Variants in MNS1 observed in about 807,000 individuals in gnomAD.
MNS1 encodes meiosis specific nuclear structural 1.
MNS1 carries 63 observed loss-of-function variants against 72.0 expected under a neutral mutation model. That is an observed-to-expected ratio of 0.87 (90% CI 0.71 to 1.08). The LOEUF (loss-of-function observed/expected upper bound fraction) is 1.08. Among genes scored for constraint, MNS1 ranks in the 50% least tolerant of loss-of-function variants. The pLI, the probability that MNS1 is intolerant of heterozygous loss-of-function variation, is 0.00. For synonymous variants in MNS1, 188 were observed against 172.1 expected, an observed-to-expected ratio of 1.09 and a Z score of -0.72; for missense variants, 604 against 562.4, an observed-to-expected ratio of 1.07 and a Z score of -0.75.
At chr15:56,458,869 G>C (rs1442585511) in intron 2 of MNS1, among the ~76,000 whole-genome samples, 1 of 152,086 alleles carries the variant, frequency 6.6e-6, no homozygotes, top group East Asian at 1.9e-4. Flanking sequence ...CATCTTGGTT[G>C]CTTCTAAATT....
At chr15:56,437,835 G>C (rs1394473147) in intron 7 of MNS1, among the ~76,000 whole-genome samples, 4 of 152,142 alleles carry the variant, frequency 2.6e-5, no homozygotes, top group South Asian at 2.1e-4. Flanking sequence ...GACAGACAGA[G>C]AGCCAAATCA....
intron 1 of MNS1, 97 bp downstream of exon 1, chr15:56,464,873 A>T (rs572795856): frequency 3.8e-5 from 59 of 1,547,252 alleles, no homozygotes; most frequent in Non-Finnish European, 5.0e-5. Context: ...TAATGACCAG[A>T]TTAAGCACTT....
chr15:56,433,656 C>T (rs1461676554), intron 8 of MNS1, among the ~76,000 whole-genome samples: 2 of 152,098 alleles, frequency 1.3e-5, no homozygotes, highest in Non-Finnish European at 2.9e-5. Flanking sequence ...CTCTTATCTA[C>T]CTTCAATGCT....
chr15:56,434,038 G>T, intron 8 of MNS1, 100 bp downstream of exon 8: 4 of 1,282,164 alleles, frequency 3.1e-6, no homozygotes, highest in South Asian at 1.5e-5. Flanking sequence ...TACTAACATT[G>T]TCTGGCATAT....
Position 56,429,193 on chromosome 15 carries a change from C to T in MNS1, c.1396G>A (p.Gly466Arg), listed in dbSNP as rs760486104. The T allele has an allele frequency of 1.7e-5, 27 of 1,576,664 alleles. No homozygotes were observed. The highest frequency in any genetic ancestry group is 3.3e-4 in the Middle Eastern group (2 of 5,980). Reference protein sequence around the residue: ...ATNLLGYLPKGVFKKEDDIDL... With the variant: ...ATNLLGYLPKRVFKKEDDIDL... ...ATATCATCCTCTTTTTTAAATACTC[C>T]CTACGAGAAAAATACTTTGTGGGTT... Residue 466 changes from glycine to arginine, a missense_variant and splice_region_variant, in exon 10 of 10, where the codon GGA (glycine) becomes AGA (arginine). Coordinates refer to ENST00000260453, the MANE Select transcript of MNS1 (RefSeq NM_018365.4).
Position 56,465,091 on chromosome 15 carries a change from G to T in MNS1, c.-119C>A. 7.1e-7 allele frequency: 1 copy of T among 1,406,216 alleles called. No individual in the cohort carries two copies. The highest frequency in any genetic ancestry group is 9.7e-7 in the Non-Finnish European group (1 of 1,026,256). 87.1% of individuals were successfully genotyped at this position (1,406,216 alleles called of 1,614,324 possible). A position where few individuals can be genotyped will look rare whatever the true frequency, so the allele number is the denominator to read the frequency against. ...CTGCGCGCGCTCGGGTGTTTACGCG[G>T]CGTCTTGGCAACGGTGGAGCTGCGC... On this transcript the variant is annotated 5_prime_UTR_variant, in exon 1 of 10. Transcript: ENST00000260453.
chr15:56,428,788 A>G lies in MNS1; in HGVS notation c.*313T>C. 1 of 355,656 alleles carries G rather than the reference A, an allele frequency of 2.8e-6. No individual in the cohort carries two copies. The highest frequency in any genetic ancestry group is 5.0e-6 in the Non-Finnish European group (1 of 198,578). 22.0% of individuals were successfully genotyped at this position (355,656 alleles called of 1,614,324 possible). A position where few individuals can be genotyped will look rare whatever the true frequency, so the allele number is the denominator to read the frequency against. On this transcript the variant is annotated 3_prime_UTR_variant, in exon 10 of 10. Coordinates refer to ENST00000260453, the MANE Select transcript of MNS1 (RefSeq NM_018365.4). ...TCAAGTAAGTAAAGTTCGTAAACAC[A>G]GACAGAAGGCAGTTCACTTTGGGGT...
intron 2 of MNS1, among the ~76,000 whole-genome samples, chr15:56,460,034 A>ATATATATATATATATG (rs1465903004): frequency 1.9e-5 from 2 of 104,156 alleles, no homozygotes; most frequent in African/African-American, 6.9e-5. Flanking sequence ...ATATATATAT[A>ATATATATATATATATG]TGTGACTATA....
At chr15:56,446,981 C>G in intron 3 of MNS1, 38 bp from the exon 4 acceptor site, 1 of 1,427,560 alleles carries the variant, frequency 7.0e-7, no homozygotes, top group Non-Finnish European at 9.7e-7. Flanking sequence ...AATGTTAGGA[C>G]CATAAGAGAA....
At chr15:56,448,799 G>A (rs2050927089) in intron 3 of MNS1, among the ~76,000 whole-genome samples, 1 of 146,984 alleles carries the variant, frequency 6.8e-6, no homozygotes, top group Non-Finnish European at 1.5e-5. Flanking sequence ...TGTCATTCAG[G>A]CTGGAGTGCA....
intron 7 of MNS1, among the ~76,000 whole-genome samples, chr15:56,436,110 T>C (rs189489303): frequency 2.0e-5 from 3 of 152,280 alleles, no homozygotes; most frequent in South Asian, 2.1e-4. Context: ...GCAGACCTAA[T>C]AGACATCTAC....
At chr15:56,436,678 T>G (rs1266653157) in intron 7 of MNS1, among the ~76,000 whole-genome samples, 5 of 152,048 alleles carry the variant, frequency 3.3e-5, no homozygotes, top group Non-Finnish European at 5.9e-5. Context: ...GCTGGTTTTC[T>G]GAGAAGATCA....
rs2050681538 is a variant in MNS1, at chr15:56,434,358, A to G, written c.1049T>C (p.Met350Thr). 1 of 1,613,000 alleles carries G rather than the reference A, an allele frequency of 6.2e-7. No homozygotes were observed. The highest frequency in any genetic ancestry group is 8.5e-7 in the Non-Finnish European group (1 of 1,179,670). The change falls in exon 8 of 10, where the codon ATG becomes ACG. Residue 350 changes from methionine to threonine, a missense_variant. Physicochemically the swap from Met to Thr is moderately conservative, Grantham distance 81. Coordinates refer to ENST00000260453, the MANE Select transcript of MNS1 (RefSeq NM_018365.4). ...AEKKLRKQKE[M>T]KQDFEEQMAL... is the part of the protein sequence containing the mutation. ...CATTTGTTCTTCAAAATCTTGCTTC[A>G]TCTCTTTTTGCTTTCTCAATTTCTT...
At chr15:56,435,354 T>C (rs2140333487) in intron 7 of MNS1, among the ~76,000 whole-genome samples, 1 of 150,742 alleles carries the variant, frequency 6.6e-6, no homozygotes, top group East Asian at 2.0e-4. Context: ...AAATAGAAAA[T>C]AGACAATTAT....
Position 56,428,889 on chromosome 15 carries a change from A to T in MNS1, c.*212T>A. 1 of 500,778 alleles carries T rather than the reference A, an allele frequency of 2.0e-6. No individual in the cohort carries two copies. Among genetic ancestry groups the T allele is most frequent in the South Asian group, 2.7e-5 (1 of 37,418 alleles). The allele number at this position is 500,778 out of a possible 1,614,324, so 31.0% of individuals were successfully genotyped here. On this transcript the variant is annotated 3_prime_UTR_variant, in exon 10 of 10. Coordinates refer to ENST00000260453, the MANE Select transcript of MNS1 (RefSeq NM_018365.4). ...AAACAGTGCTCTGTAGTGTTGTAGAAATCGGATTTTGAAATTATCAGTACA... is the reference window on the plus strand; with the variant it reads ...AAACAGTGCTCTGTAGTGTTGTAGATATCGGATTTTGAAATTATCAGTACA...
chr15:56,443,655 G>A lies in MNS1; in HGVS notation c.886C>T (p.Leu296=). The part of the protein sequence containing the change: ...AKVQENEEKR[L]QLQNALTQKL... ...TTTAATACCGCATTCTGAAGCTGTA[G>A]CCTTTTCTCCTCATTTTCTTGAACT... The change falls in exon 6 of 10, where the codon CTA becomes TTA. Residue 296 remains leucine (L), a synonymous_variant. Coordinates refer to ENST00000260453, the MANE Select transcript of MNS1 (RefSeq NM_018365.4). 1 of 1,612,610 alleles carries A rather than the reference G, an allele frequency of 6.2e-7. No individual in the cohort carries two copies. The highest frequency in any genetic ancestry group is 8.5e-7 in the Non-Finnish European group (1 of 1,179,330).
intron 9 of MNS1, chr15:56,430,204 CTG>C (rs1298476961): frequency 6.6e-6 from 1 of 152,024 alleles, no homozygotes; most frequent in Non-Finnish European, 1.5e-5. Context: ...GCCTATGAAA[CTG>C]TTATTACTTT....
Position 56,443,471 on chromosome 15 carries a change from A to G in MNS1, c.970T>C (p.Tyr324His). 2 of 1,599,262 alleles carry G rather than the reference A, an allele frequency of 1.3e-6. No homozygotes were observed. Among genetic ancestry groups the G allele is most frequent in the Non-Finnish European group, 1.7e-6 (2 of 1,175,950 alleles). ...EDLEQVRQEL[Y>H]QEEQAEIYKS... ...TATATTTCAGCTTGTTCTTCCTGGT[A>G]TAATTCTTGTCGCACTTGTTCCAAA... The change falls in exon 7 of 10, where the codon TAC (tyrosine) becomes CAC (histidine). Residue 324 changes from tyrosine (Y) to histidine (H), a missense_variant. Tyr to His is a moderately conservative substitution (Grantham distance 83). Transcript: ENST00000260453.
At position 56,443,653 on chromosome 15, in the gene MNS1, T is replaced by G. The variant is rs1308110192; in HGVS notation, c.888A>C (p.Leu296=). 1 of 1,612,584 alleles carries G rather than the reference T, an allele frequency of 6.2e-7. No individual in the cohort carries two copies. Among genetic ancestry groups the G allele is most frequent in the Non-Finnish European group, 8.5e-7 (1 of 1,179,388 alleles). Residue 296 remains leucine (L), a synonymous_variant, in exon 6 of 10, where the codon CTA becomes CTC. Coordinates refer to ENST00000260453, the MANE Select transcript of MNS1 (RefSeq NM_018365.4). The part of the protein sequence containing the change: ...AKVQENEEKR[L]QLQNALTQKL... ...ATTTTAATACCGCATTCTGAAGCTG[T>G]AGCCTTTTCTCCTCATTTTCTTGAA... is the stretch of plus-strand genomic sequence containing the variant.
Sources: allele counts gnomAD v4.1 joint callset (sites outside exome capture counted in the v4.1 genomes callset), GRCh38; gene constraint gnomAD v4.1.1; transcripts MANE v1.5; gene names NCBI Gene and HGNC (gene_info 2026-07-23, HGNC 2026-07-21).